Variants in NEMP2 observed in about 807,000 individuals in gnomAD.
NEMP2 encodes nuclear envelope integral membrane protein 2.
Under a neutral mutation model 54.2 loss-of-function variants are expected in NEMP2, and 53 were observed. The ratio of observed to expected loss-of-function variants is 0.98; its 90% CI spans 0.78 to 1.23. NEMP2 has a LOEUF of 1.23. NEMP2 is among the 50% of genes most tolerant of loss of function. The pLI, the probability that NEMP2 is intolerant of heterozygous loss-of-function variation, is 0.00. For synonymous variants in NEMP2, 197 were observed against 190.3 expected, an observed-to-expected ratio of 1.04 and a Z score of -0.29; for missense variants, 455 against 511.3, an observed-to-expected ratio of 0.89 and a Z score of 1.06.
the NEMP2 span, among the ~76,000 whole-genome samples, chr2:190,434,197 A>G: frequency 5.8e-3 from 860 of 147,234 alleles, 7 homozygotes; most frequent in East Asian, 0.015. The surrounding 1 kb of genome is among the most constrained non-coding windows in gnomAD (Gnocchi z 4.3). Context: ...AAAAAAAAAG[A>G]AAAAAAAGAA....
chr2:190,431,490 A>G, the NEMP2 span, among the ~76,000 whole-genome samples: 69,041 of 152,108 alleles, frequency 0.45, 16,093 homozygotes, highest in Admixed American at 0.61. This position sits in a 1 kb window ranked among gnomAD's most constrained non-coding sequence, Gnocchi z 4.4. Context: ...ATCACTCGCG[A>G]TTAGGAGCTG....
the NEMP2 span, among the ~76,000 whole-genome samples, chr2:190,471,223 G>C: frequency 6.6e-6 from 1 of 152,190 alleles, no homozygotes; most frequent in African/African-American, 2.4e-5. This position sits in a 1 kb window ranked among gnomAD's most constrained non-coding sequence, Gnocchi z 4.7. Context: ...CATCTCACTG[G>C]GGATTGTCAG....
At chr2:190,573,546 A>T in the NEMP2 span, among the ~76,000 whole-genome samples, 1 of 152,310 alleles carries the variant, frequency 6.6e-6, no homozygotes, top group Non-Finnish European at 1.5e-5. Flanking sequence ...TCCAGATAGT[A>T]CCAGCTCTTT....
chr2:190,509,283 T>C lies in NEMP2; in HGVS notation c.1160A>G (p.His387Arg), dbSNP rs1391121159. 1.3e-6 allele frequency: 2 copies of C among 1,551,658 alleles called. No homozygotes were observed. Among genetic ancestry groups the C allele is most frequent in the East Asian group, 2.4e-5 (1 of 40,938 alleles). The change falls in exon 9 of 9, where the codon CAC becomes CGC. Residue 387 changes from histidine (H) to arginine (R), a missense_variant. Coordinates refer to ENST00000409150, the MANE Select transcript of NEMP2 (RefSeq NM_001142645.2). The surrounding 1 kb of genome is among the most constrained non-coding windows in gnomAD (Gnocchi z 6.1). ...CAGACTGATTTCTTCAGGTGACAAG[T>C]GGCTTCCTCCAAGAACAAAGTCTGC... Reference protein sequence around the residue: ...KFADFVLGGSHLSPEEISLHE... With the variant: ...KFADFVLGGSRLSPEEISLHE...
chr2:190,503,275 G>A (rs185791461), downstream of NEMP2, among the ~76,000 whole-genome samples: 152 of 152,336 alleles, frequency 1.0e-3, no homozygotes, highest in African/African-American at 3.5e-3. The surrounding 1 kb of genome is among the most constrained non-coding windows in gnomAD (Gnocchi z 6.3). Flanking sequence ...TGGAAATCAG[G>A]AAGGGAAAGC....
At chr2:190,643,023 G>GTTTTTTTTTTTTTTTTTTTTTTTTTTTT in the NEMP2 span, among the ~76,000 whole-genome samples, 10 of 79,566 alleles carry the variant, frequency 1.3e-4, 5 homozygotes, top group Non-Finnish European at 1.9e-4. Flanking sequence ...AATGGTTAAG[G>GTTTTTTTTTTTTTTTTTTTTTTTTTTTT]TTTTTTTTTT....
chr2:190,427,295 G>A, the NEMP2 span, among the ~76,000 whole-genome samples: 16 of 152,218 alleles, frequency 1.1e-4, no homozygotes, highest in Non-Finnish European at 1.5e-5. Flanking sequence ...GGGGTTGGGG[G>A]TTCCCCATTA....
chr2:190,589,207 G>A, the NEMP2 span, among the ~76,000 whole-genome samples: 14 of 152,128 alleles, frequency 9.2e-5, no homozygotes, highest in African/African-American at 3.4e-4. This position sits in a 1 kb window ranked among gnomAD's most constrained non-coding sequence, Gnocchi z 4.3. Context: ...TTTCTACCCA[G>A]AGATTCCCCC....
At chr2:190,430,475 AACCCTGAGTGGAC>A in the NEMP2 span, among the ~76,000 whole-genome samples, 7 of 151,724 alleles carry the variant, frequency 4.6e-5, no homozygotes, top group South Asian at 1.5e-3. Flanking sequence ...TAATCCATTT[AACCCTGAGTGGAC>A]ACAGCACATG....
At chr2:190,496,719 TACTACTCAGCCATAAAAA>T in the NEMP2 span, among the ~76,000 whole-genome samples, 1 of 152,214 alleles carries the variant, frequency 6.6e-6, no homozygotes, top group South Asian at 2.1e-4. The surrounding 1 kb of genome is among the most constrained non-coding windows in gnomAD (Gnocchi z 4.7). Context: ...CACAATGGAA[TACTACTCAGCCATAAAAA>T]GGAATGAATT....
At chr2:190,626,762 C>T in the NEMP2 span, 2 of 152,268 alleles carry the variant, frequency 1.3e-5, no homozygotes, top group East Asian at 3.9e-4. This position sits in a 1 kb window ranked among gnomAD's most constrained non-coding sequence, Gnocchi z 4.5. Context: ...CTGATGAGCT[C>T]TCGAATGAAT....
At chr2:190,622,789 A>C in the NEMP2 span, among the ~76,000 whole-genome samples, 1 of 152,200 alleles carries the variant, frequency 6.6e-6, no homozygotes, top group Non-Finnish European at 1.5e-5. Flanking sequence ...TTAAAAAACA[A>C]TTTAAATGGC....
chr2:190,426,805 G>A, the NEMP2 span, among the ~76,000 whole-genome samples: 1 of 151,244 alleles, frequency 6.6e-6, no homozygotes, highest in Non-Finnish European at 1.5e-5. The surrounding 1 kb of genome is among the most constrained non-coding windows in gnomAD (Gnocchi z 4.7). Context: ...AAAGCAAGAT[G>A]TTTTGGGTAT....
At chr2:190,422,325 A>G in the NEMP2 span, among the ~76,000 whole-genome samples, 1 of 152,022 alleles carries the variant, frequency 6.6e-6, no homozygotes, top group Non-Finnish European at 1.5e-5. Context: ...CATTCCTGGG[A>G]TCTCCAGTTC....
the NEMP2 span, among the ~76,000 whole-genome samples, chr2:190,642,635 C>T: frequency 6.6e-6 from 1 of 151,922 alleles, no homozygotes; most frequent in Non-Finnish European, 1.5e-5. The surrounding 1 kb of genome is among the most constrained non-coding windows in gnomAD (Gnocchi z 4.1). Flanking sequence ...TTTCATATCG[C>T]AAAATAAGGG....
the NEMP2 span, among the ~76,000 whole-genome samples, chr2:190,621,006 G>A: frequency 6.6e-6 from 1 of 151,994 alleles, no homozygotes; most frequent in East Asian, 1.9e-4. Flanking sequence ...TTCATTCATA[G>A]TAGCACTAAA....
chr2:190,634,958 G>A, the NEMP2 span, among the ~76,000 whole-genome samples: 1 of 152,184 alleles, frequency 6.6e-6, no homozygotes, highest in Non-Finnish European at 1.5e-5. The surrounding 1 kb of genome is among the most constrained non-coding windows in gnomAD (Gnocchi z 6.8). Flanking sequence ...TGCCTCCTGT[G>A]ACACATCTTA....
chr2:190,490,573 CAAAA>C, the NEMP2 span, among the ~76,000 whole-genome samples: 109 of 149,560 alleles, frequency 7.3e-4, no homozygotes, highest in African/African-American at 2.6e-3. This position sits in a 1 kb window ranked among gnomAD's most constrained non-coding sequence, Gnocchi z 4.5. Context: ...AAAAAAAAAA[CAAAA>C]AACAAAGACA....
chr2:190,487,099 T>G, the NEMP2 span, among the ~76,000 whole-genome samples: 2 of 152,146 alleles, frequency 1.3e-5, no homozygotes, highest in South Asian at 4.1e-4. This position sits in a 1 kb window ranked among gnomAD's most constrained non-coding sequence, Gnocchi z 5.5. Flanking sequence ...TCCCAGCACT[T>G]TGAGAGGCTG....
Sources: gnomAD v4.1 joint callset for allele counts (sites outside exome capture counted in the v4.1 genomes callset) on GRCh38, gnomAD v4.1.1 for gene constraint, Gnocchi (gnomAD v3.1) non-coding constraint, MANE v1.5 for transcripts, NCBI Gene and HGNC (gene_info 2026-07-23, HGNC 2026-07-21) for gene names.